ADGRL3: variants seen among roughly 807,000 people sequenced by gnomAD.
ADGRL3 encodes the protein calcium-independent alpha-latrotoxin receptor 3.
In ADGRL3, 62 loss-of-function variants were observed where a neutral mutation model predicts 153.5. The ratio of observed to expected loss-of-function variants is 0.40; its 90% CI spans 0.33 to 0.50. The LOEUF (loss-of-function observed/expected upper bound fraction) is 0.50. Ranked by LOEUF, ADGRL3 falls within the 20% of genes least tolerant of loss-of-function variation. ADGRL3 has a pLI of 0.47. For synonymous variants in ADGRL3, 710 were observed against 672.5 expected (o/e 1.06, Z -0.86); for missense variants, 1,641 against 1,859.4 (o/e 0.88, Z 2.16).
intron 1 of ADGRL3, among the ~76,000 whole-genome samples, chr4:61,338,320 A>G (rs1329214936): frequency 6.6e-6 from 1 of 151,852 alleles, no homozygotes; most frequent in African/African-American, 2.4e-5. Context: ...TACAGAATCA[A>G]GGAAACATCT....
At chr4:61,766,521 G>T (rs1384815666) in intron 8 of ADGRL3, among the ~76,000 whole-genome samples, 1 of 152,120 alleles carries the variant, frequency 6.6e-6, no homozygotes, top group African/African-American at 2.4e-5. Context: ...TTGTTGTTTT[G>T]TAGAAGGTGC....
chr4:61,404,827 T>G (rs1387379047), intron 2 of ADGRL3, among the ~76,000 whole-genome samples: 1 of 152,046 alleles, frequency 6.6e-6, no homozygotes, highest in Non-Finnish European at 1.5e-5. Context: ...GGTTAAACAA[T>G]GGCTTAGATG....
At chr4:61,718,690 A>G (rs2096175866) in intron 6 of ADGRL3, among the ~76,000 whole-genome samples, 1 of 152,190 alleles carries the variant, frequency 6.6e-6, no homozygotes, top group Admixed American at 6.5e-5. Context: ...ATTGGTGAGA[A>G]AGTTACACCT....
At chr4:61,709,105 G>A (rs372543333) in intron 6 of ADGRL3, among the ~76,000 whole-genome samples, 17 of 152,064 alleles carry the variant, frequency 1.1e-4, no homozygotes, top group African/African-American at 3.6e-4. Context: ...CACTGCACCC[G>A]GCTCAGTTCT....
rs183676009 is a variant in ADGRL3, at chr4:61,788,501, G to C, written c.1400-25308G>C. The stretch of plus-strand genomic sequence containing the variant: ...TGGAAGGAGGAGAGCACCACATCAA[G>C]GGATCACCCCGTGGGACAAAAGAAT... On this transcript the variant is annotated intron_variant, in intron 8 of 26. Coordinates refer to ENST00000683033, the MANE Select transcript of ADGRL3 (RefSeq NM_001387552.1). Among the ~76,000 whole-genome samples, 9 of 152,234 alleles carry C rather than the reference G, an allele frequency of 5.9e-5. No homozygotes were observed. The East Asian group carries it at 1.7e-3, about 29-fold the overall frequency.
chr4:61,273,799 TC>T (rs2093325583), intron 1 of ADGRL3, among the ~76,000 whole-genome samples: 1 of 152,154 alleles, frequency 6.6e-6, no homozygotes, highest in Non-Finnish European at 1.5e-5. Context: ...GTGGTGCAAG[TC>T]TTAATTACAT....
At chr4:61,996,964 T>C (rs568666461) in intron 20 of ADGRL3, among the ~76,000 whole-genome samples, 6 of 151,670 alleles carry the variant, frequency 4.0e-5, no homozygotes, top group African/African-American at 1.2e-4. Context: ...TATGTACTTA[T>C]AATTTTAAAA....
rs562058438 is a variant in ADGRL3 at position 61,772,187 on chromosome 4, T to C, written c.1399+38633T>C. On this transcript the variant is annotated intron_variant, in intron 8 of 26. Transcript: ENST00000683033. ...AGTCACAATTCAAAGGAATAATTCT[T>C]ACAAATTTCTCCTGCTAATCTGAAT... Among the ~76,000 whole-genome samples the C allele has an allele frequency of 1.6e-4, 25 of 152,296 alleles. No individual in the cohort carries two copies. In the East Asian group the frequency reaches 4.8e-3, roughly 29 times the overall value.
intron 1 of ADGRL3, among the ~76,000 whole-genome samples, chr4:61,290,577 G>A (rs1180484254): frequency 6.6e-6 from 1 of 151,810 alleles, no homozygotes; most frequent in Admixed American, 6.6e-5. Context: ...CCAGGAGGTT[G>A]AGGCTGCAGT....
intron 1 of ADGRL3, among the ~76,000 whole-genome samples, chr4:61,251,337 CT>C (rs1274157628): frequency 6.6e-6 from 1 of 152,184 alleles, no homozygotes; most frequent in Admixed American, 6.5e-5. Context: ...GTGACCTGGA[CT>C]TCTCCCAGTA....
At chr4:61,960,438 A>G (rs555288433) in intron 17 of ADGRL3, among the ~76,000 whole-genome samples, 151 of 152,272 alleles carry the variant, frequency 9.9e-4, no homozygotes, top group African/African-American at 3.5e-3. Context: ...TGTTAGCAGA[A>G]CAGGCCGGAG....
At chr4:61,439,576 G>A (rs981716721) in intron 2 of ADGRL3, among the ~76,000 whole-genome samples, 3 of 152,014 alleles carry the variant, frequency 2.0e-5, no homozygotes, top group Non-Finnish European at 4.4e-5. Context: ...CCTATATTAG[G>A]TATTTCTCCT....
chr4:61,774,877 C>T (rs2097129708), intron 8 of ADGRL3, among the ~76,000 whole-genome samples: 1 of 152,088 alleles, frequency 6.6e-6, no homozygotes, highest in African/African-American at 2.4e-5. Flanking sequence ...ACTGGGGGGC[C>T]TTGGGACACA....
intron 4 of ADGRL3, among the ~76,000 whole-genome samples, chr4:61,558,173 C>CATATATATAT (rs33947698): frequency 0.034 from 4,371 of 128,870 alleles, 107 homozygotes; most frequent in Non-Finnish European, 0.038. Flanking sequence ...ATGTAGGAAT[C>CATATATATAT]ATATATATAT....
At chr4:62,065,097 T>C (rs1334079239) in intron 25 of ADGRL3, among the ~76,000 whole-genome samples, 1 of 152,090 alleles carries the variant, frequency 6.6e-6, no homozygotes, top group Non-Finnish European at 1.5e-5. Context: ...ATTCTATTGT[T>C]GAAACACTCC....
At chr4:61,353,833 G>T (rs1202800713) in intron 1 of ADGRL3, among the ~76,000 whole-genome samples, 1 of 146,116 alleles carries the variant, frequency 6.8e-6, no homozygotes, top group Non-Finnish European at 1.5e-5. Flanking sequence ...TGTAGATGAT[G>T]GGCATAAATA....
chr4:61,840,934 A>G (rs2098021164), intron 9 of ADGRL3, among the ~76,000 whole-genome samples: 1 of 151,804 alleles, frequency 6.6e-6, no homozygotes, highest in African/African-American at 2.4e-5. Context: ...TTCCTTCCCC[A>G]CCTCTTTTTC....
At chr4:61,729,256 G>A (rs1331500859) in intron 6 of ADGRL3, among the ~76,000 whole-genome samples, 1 of 151,518 alleles carries the variant, frequency 6.6e-6, no homozygotes, top group Admixed American at 6.6e-5. Flanking sequence ...GCGAGATGAA[G>A]GATCTAAAAT....
Position 61,736,016 on chromosome 4 carries a change from T to C in ADGRL3, c.1399+2462T>C, listed in dbSNP as rs368640692. On this transcript the variant is annotated intron_variant, in intron 8 of 26. Coordinates refer to ENST00000683033, the MANE Select transcript of ADGRL3 (RefSeq NM_001387552.1). Reference sequence around the variant, plus strand: ...ACAATTTTAGCATATAATAAACATATGAATATACTCATACACATATATGAC... The same window carrying C: ...ACAATTTTAGCATATAATAAACATACGAATATACTCATACACATATATGAC... Among the ~76,000 whole-genome samples the C allele has an allele frequency of 1.1e-4, 16 of 152,220 alleles. No homozygotes were observed. The East Asian group carries it at 1.5e-3, about 15-fold the overall frequency.
Sources: gnomAD v4.1 joint callset for allele counts (sites outside exome capture counted in the v4.1 genomes callset) on GRCh38, gnomAD v4.1.1 for gene constraint, MANE v1.5 for transcripts, NCBI Gene and HGNC (gene_info 2026-07-23, HGNC 2026-07-21) for gene names.